Variants in CLVS1 observed in about 807,000 individuals in gnomAD.
CLVS1 encodes the protein clavesin 1, also known as clavesin-1.
A neutral mutation model predicts 33.1 loss-of-function variants in CLVS1; 10 were observed. The ratio of observed to expected loss-of-function variants is 0.30; its 90% confidence interval spans 0.19 to 0.51. The LOEUF is 0.51. CLVS1 is among the 20% of genes least tolerant of loss of function. The pLI is 0.97. For synonymous variants in CLVS1, 163 were observed against 166.1 expected (o/e 0.98, Z 0.14); for missense variants, 343 against 433.4 (o/e 0.79, Z 1.85).
intron 5 of CLVS1, among the ~76,000 whole-genome samples, chr8:61,483,170 A>G (rs1293532546): frequency 6.6e-6 from 1 of 152,236 alleles, no homozygotes; most frequent in Non-Finnish European, 1.5e-5. Context: ...TTTTGAAAAG[A>G]TCAACAAAAT....
chr8:61,477,505 C>G (rs932613959), intron 5 of CLVS1, among the ~76,000 whole-genome samples: 1 of 152,194 alleles, frequency 6.6e-6, no homozygotes, highest in Non-Finnish European at 1.5e-5. Context: ...AGAGATTCAA[C>G]TTCTTCCTGG....
At chr8:61,012,513 G>A in the CLVS1 span, among the ~76,000 whole-genome samples, 5 of 152,234 alleles carry the variant, frequency 3.3e-5, no homozygotes, top group Non-Finnish European at 7.3e-5. Context: ...CTTTGAACCT[G>A]GATCTTCTGA....
chr8:61,099,252 G>A (rs1308726189), intron 1 of CLVS1, among the ~76,000 whole-genome samples: 2 of 152,132 alleles, frequency 1.3e-5, no homozygotes, highest in Admixed American at 1.3e-4. Flanking sequence ...GTGTGATCTG[G>A]TGGGCATCCA....
At chr8:61,173,889 G>A (rs1396723830) in intron 2 of CLVS1, among the ~76,000 whole-genome samples, 1 of 152,182 alleles carries the variant, frequency 6.6e-6, no homozygotes, top group Non-Finnish European at 1.5e-5. Context: ...AGGTAATAGT[G>A]TCTGATATTT....
Position 61,232,922 on chromosome 8 carries a change from T to A in CLVS1, c.-151-66755T>A, listed in dbSNP as rs1419164373. Among the ~76,000 whole-genome samples, 4 of 152,236 alleles carry A rather than the reference T, an allele frequency of 2.6e-5. No homozygotes were observed. The East Asian group carries it at 7.7e-4, about 29-fold the overall frequency. ...CATTGATGTTTGGAATTTTCTTCAC[T>A]TTTCATCTGTTTCCTAGAATCTTTG... On this transcript the variant is annotated intron_variant, in intron 2 of 2. Coordinates refer to the CLVS1 transcript ENST00000522621.
At chr8:61,113,377 T>C (rs948234361) in intron 1 of CLVS1, among the ~76,000 whole-genome samples, 1 of 152,162 alleles carries the variant, frequency 6.6e-6, no homozygotes, top group African/African-American at 2.4e-5. Flanking sequence ...TTTTGAGTGG[T>C]GCAGATGGGT....
At chr8:61,228,878 A>G (rs1002607939) in intron 2 of CLVS1, among the ~76,000 whole-genome samples, 88 of 152,184 alleles carry the variant, frequency 5.8e-4, no homozygotes, top group Non-Finnish European at 7.3e-5. Flanking sequence ...TTTCTTCAAC[A>G]TACTGTTTTC....
At chr8:60,967,980 C>T in the CLVS1 span, among the ~76,000 whole-genome samples, 1 of 152,116 alleles carries the variant, frequency 6.6e-6, no homozygotes, top group South Asian at 2.1e-4. Context: ...GTTCTGTCGC[C>T]CAGGCTGGAG....
At chr8:61,461,218 T>C (rs1817354448) in intron 5 of CLVS1, among the ~76,000 whole-genome samples, 2 of 152,250 alleles carry the variant, frequency 1.3e-5, no homozygotes, top group South Asian at 4.1e-4. Context: ...CAACATTGTC[T>C]TGTCCCTTCC....
At chr8:61,343,180 C>T (rs1761895772) in intron 2 of CLVS1, among the ~76,000 whole-genome samples, 1 of 152,174 alleles carries the variant, frequency 6.6e-6, no homozygotes, top group Non-Finnish European at 1.5e-5. Context: ...CACTTTCTTC[C>T]AATTGCCCAG....
intron 4 of CLVS1, among the ~76,000 whole-genome samples, chr8:61,455,819 C>A (rs1817132092): frequency 1.3e-5 from 2 of 152,158 alleles, no homozygotes; most frequent in African/African-American, 4.8e-5. Flanking sequence ...GGATTCCCCG[C>A]CACCTCCCAC....
intron 1 of CLVS1, among the ~76,000 whole-genome samples, chr8:61,061,724 G>A (rs181896341): frequency 6.6e-6 from 1 of 151,408 alleles, no homozygotes; most frequent in Admixed American, 6.6e-5. Context: ...CTCCTGTTTG[G>A]GAAGGGTGGC....
intron 2 of CLVS1, among the ~76,000 whole-genome samples, chr8:61,152,014 A>C (rs1037520462): frequency 1.3e-5 from 2 of 151,120 alleles, no homozygotes; most frequent in African/African-American, 2.4e-5. Context: ...CCCCGCCCCC[A>C]GCTTTCTTTT....
At chr8:61,298,373 G>T (rs545069771) in intron 1 of CLVS1, among the ~76,000 whole-genome samples, 1 of 152,042 alleles carries the variant, frequency 6.6e-6, no homozygotes, top group Admixed American at 6.6e-5. Context: ...AAGTTATTTT[G>T]CAAAGCCGAT....
At chr8:61,435,630 A>G (rs2129605788) in intron 3 of CLVS1, among the ~76,000 whole-genome samples, 1 of 152,100 alleles carries the variant, frequency 6.6e-6, no homozygotes, top group Admixed American at 6.6e-5. Flanking sequence ...GATAGTAAAA[A>G]AAAAAAAAAA....
the CLVS1 span, among the ~76,000 whole-genome samples, chr8:61,033,891 T>A: frequency 6.6e-6 from 1 of 152,228 alleles, no homozygotes; most frequent in Admixed American, 6.5e-5. Context: ...AACTCTGGAA[T>A]GGACAATAAC....
chr8:61,369,311 A>AG (rs764983943), intron 2 of CLVS1, among the ~76,000 whole-genome samples: 5 of 152,076 alleles, frequency 3.3e-5, no homozygotes, highest in Non-Finnish European at 7.4e-5. Context: ...TTCAGAACAC[A>AG]ATTTTTTTTC....
chr8:61,273,743 G>GAC (rs1809506633), intron 2 of CLVS1, among the ~76,000 whole-genome samples: 1 of 152,216 alleles, frequency 6.6e-6, no homozygotes, highest in Non-Finnish European at 1.5e-5. Context: ...GGGTGGGAGT[G>GAC]ACCCGATTTT....
chr8:61,383,373 A>T (rs971179906), intron 3 of CLVS1, among the ~76,000 whole-genome samples: 1 of 152,254 alleles, frequency 6.6e-6, no homozygotes, highest in Non-Finnish European at 1.5e-5. Flanking sequence ...TCTCTTCAGC[A>T]GTAACATTTA....
Sources: gnomAD v4.1 joint callset for allele counts (sites outside exome capture counted in the v4.1 genomes callset) on GRCh38, gnomAD v4.1.1 for gene constraint, MANE v1.5 for transcripts, NCBI Gene and HGNC (gene_info 2026-07-23, HGNC 2026-07-21) for gene names.